The following DUSP19 variants were observed in gnomAD, a reference collection of about 807,000 sequenced individuals.
DUSP19 encodes the protein dual specificity phosphatase 19, also known as dual specificity protein phosphatase 19.
Under a neutral mutation model 16.6 loss-of-function variants are expected in DUSP19, and 14 were observed. The ratio of observed to expected loss-of-function variants is 0.84; its 90% CI spans 0.56 to 1.32. The LOEUF (loss-of-function observed/expected upper bound fraction) is 1.32. Ranked by LOEUF, DUSP19 falls within the 40% of genes most tolerant of loss-of-function variation. The pLI, the probability that DUSP19 is intolerant of heterozygous loss-of-function variation, is 0.00. For missense variants in DUSP19, 258 were observed against 255.9 expected, an observed-to-expected ratio of 1.01 and a Z score of -0.06; for synonymous variants, 81 against 90.5, an observed-to-expected ratio of 0.90 and a Z score of 0.59.
chr2:183,085,854 T>TTTG, intron 2 of DUSP19, among the ~76,000 whole-genome samples: 1 of 51,770 alleles, frequency 1.9e-5, no homozygotes, highest in East Asian at 3.6e-4. Context: ...TAGGTTTTTT[T>TTTG]TTTTTTTTTT....
intron 1 of DUSP19, among the ~76,000 whole-genome samples, chr2:183,080,343 C>T (rs1401170362): frequency 6.6e-6 from 1 of 152,206 alleles, no homozygotes; most frequent in Non-Finnish European, 1.5e-5. Flanking sequence ...TTGCAGTGTA[C>T]ATATAAGTTA....
intron 1 of DUSP19, among the ~76,000 whole-genome samples, chr2:183,083,186 A>G (rs1183607530): frequency 6.6e-6 from 1 of 152,120 alleles, no homozygotes; most frequent in Admixed American, 6.5e-5. Flanking sequence ...ACCATTTTTT[A>G]TTTAATGCAA....
rs757629559 is a variant in DUSP19, at chr2:183,079,084, G to T, written c.151G>T (p.Gly51Trp). Residue 51 changes from glycine to tryptophan, a missense_variant, in exon 1 of 4, where the codon GGG becomes TGG. Coordinates refer to ENST00000354221, the MANE Select transcript of DUSP19 (RefSeq NM_080876.4). ...TGTGGAAGAAGTAGAGCCGAGCAGT[G>T]GGGGTGGTTGTGGTTATGTGCAGGA... ...HVVEEVEPSSGGGCGYVQDLS... is the reference protein window; with the variant it reads ...HVVEEVEPSSWGGCGYVQDLS... 1.2e-6 allele frequency: 2 copies of T among 1,614,114 alleles called. No homozygotes were observed. Among genetic ancestry groups the T allele is most frequent in the South Asian group, 2.2e-5 (2 of 91,082 alleles).
Position 183,097,993 on chromosome 2 carries a change from G to A in DUSP19, c.*2335G>A, listed in dbSNP as rs767864347. On this transcript the variant is annotated 3_prime_UTR_variant, in exon 4 of 4. Coordinates refer to ENST00000354221, the MANE Select transcript of DUSP19 (RefSeq NM_080876.4). ...TGCAACCTCTGCCTCCCAGCTTCAA[G>A]CGATTCTCCTGTATCAGCCTCCCAA... 10 of 152,358 alleles carry A rather than the reference G, an allele frequency of 6.6e-5. No individual in the cohort carries two copies. Among genetic ancestry groups the A allele is most frequent in the Non-Finnish European group, 1.3e-4 (9 of 68,080 alleles). 9.4% of individuals were successfully genotyped at this position (152,358 alleles called of 1,614,324 possible).
In DUSP19 at chr2:183,095,635, A is replaced by G; in HGVS notation, c.631A>G (p.Arg211Gly). The change falls in exon 4 of 4, where the codon AGA becomes GGA. Residue 211 changes from arginine (R) to glycine (G), a missense_variant. By Grantham distance (125) the Arg-to-Gly change is moderately radical (BLOSUM62 -2). Transcript: ENST00000354221. ...QEGKESNKCD[R>G]IQENSS ...GGGCAAAGAAAGCAATAAGTGTGAC[A>G]GAATACAGGAGAACAGTTCATGAGT... The G allele has an allele frequency of 5.0e-6, 8 of 1,613,828 alleles. No homozygotes were observed. The highest frequency in any genetic ancestry group is 1.7e-4 in the Middle Eastern group (1 of 6,060).
At chr2:183,086,695 C>T (rs372527140) in intron 2 of DUSP19, among the ~76,000 whole-genome samples, 35 of 149,780 alleles carry the variant, frequency 2.3e-4, no homozygotes, top group Non-Finnish European at 4.0e-4. Flanking sequence ...TGGTGGTACA[C>T]GCCTGTAGTC....
intron 1 of DUSP19, among the ~76,000 whole-genome samples, chr2:183,080,441 T>C (rs1699577725): frequency 6.6e-6 from 1 of 152,228 alleles, no homozygotes. Flanking sequence ...CGTGAAAAAC[T>C]GTACCATATT....
rs1032074011 is a variant in DUSP19 at position 183,099,691 on chromosome 2, C to T, written c.*4033C>T. 2 of 151,520 alleles carry T rather than the reference C, an allele frequency of 1.3e-5. No homozygotes were observed. The highest frequency in any genetic ancestry group is 4.9e-5 in the African/African-American group (2 of 40,900). The allele number at this position is 151,520 out of a possible 1,614,324, so 9.4% of individuals were successfully genotyped here. A position where few individuals can be genotyped will look rare whatever the true frequency, so the allele number is the denominator to read the frequency against. On this transcript the variant is annotated 3_prime_UTR_variant, in exon 4 of 4. Transcript: ENST00000354221. ...AAAAGATGTAACACTTATTTGCTGT[C>T]AAATTCTGAATTAAAAAATCTGTTG...
Position 183,095,429 on chromosome 2 carries a change from A to G in DUSP19, c.427-2A>G. On this transcript the variant is annotated splice_acceptor_variant, in intron 3 of 3. Transcript: ENST00000354221. LOFTEE classifies it high-confidence loss of function. Reference sequence around the variant, plus strand: ...GATTTTTGTTTGTTTTTTTTTTTGTAGGATGGAGTGGTTCTTGTTCATTGT... The same window carrying G: ...GATTTTTGTTTGTTTTTTTTTTTGTGGGATGGAGTGGTTCTTGTTCATTGT... 6.5e-7 allele frequency: 1 copy of G among 1,542,252 alleles called. No homozygotes were observed. The highest frequency in any genetic ancestry group is 8.7e-7 in the Non-Finnish European group (1 of 1,144,156).
At chr2:183,088,117 A>G (rs1305791301) in intron 3 of DUSP19, among the ~76,000 whole-genome samples, 2 of 152,222 alleles carry the variant, frequency 1.3e-5, no homozygotes, top group Non-Finnish European at 2.9e-5. Context: ...ATGTATTTTT[A>G]CCATACCTTT....
chr2:183,084,900 A>T (rs909313624), intron 2 of DUSP19, among the ~76,000 whole-genome samples: 2 of 152,144 alleles, frequency 1.3e-5, no homozygotes, highest in South Asian at 4.1e-4. Context: ...GAATTCTTAA[A>T]ATTTGATTAC....
Position 183,099,310 on chromosome 2 carries a change from AC to A in DUSP19, c.*3653del, listed in dbSNP as rs1699844078. 6.6e-6 allele frequency: 1 copy of A among 152,194 alleles called. No homozygotes were observed. The highest frequency in any genetic ancestry group is 2.4e-5 in the African/African-American group (1 of 41,462). The allele number at this position is 152,194 out of a possible 1,614,324, so 9.4% of individuals were successfully genotyped here. On this transcript the variant is annotated 3_prime_UTR_variant, in exon 4 of 4. Transcript: ENST00000354221. Reference sequence around the variant, plus strand: ...AAAACAACAGAAATGTGGCATGATTACTTATTTATTTGTTCCAGGTGACTCT... The same window carrying A: ...AAAACAACAGAAATGTGGCATGATTATTATTTATTTGTTCCAGGTGACTCT...
chr2:183,094,673 T>C (rs1699775350), intron 3 of DUSP19, among the ~76,000 whole-genome samples: 2 of 152,220 alleles, frequency 1.3e-5, no homozygotes, highest in Non-Finnish European at 2.9e-5. Flanking sequence ...CATGCTGGTA[T>C]GTGATTACCT....
intron 1 of DUSP19, among the ~76,000 whole-genome samples, 156 bp downstream of exon 1, chr2:183,079,315 A>G (rs1043457578): frequency 6.6e-6 from 1 of 152,202 alleles, no homozygotes; most frequent in Admixed American, 6.5e-5. Context: ...TTAGCCAGCT[A>G]GAGCCGTTTC....
chr2:183,079,986 C>T (rs1699572681), intron 1 of DUSP19, among the ~76,000 whole-genome samples: 1 of 152,176 alleles, frequency 6.6e-6, no homozygotes, highest in African/African-American at 2.4e-5. Flanking sequence ...GTGTCTTACT[C>T]CTTTGAGGAA....
At position 183,087,123 on chromosome 2, in the gene DUSP19, T is replaced by A. The variant is rs752796838; in HGVS notation, c.357T>A (p.Asp119Glu). 1.2e-6 allele frequency: 2 copies of A among 1,613,390 alleles called. No homozygotes were observed. Among genetic ancestry groups the A allele is most frequent in the Non-Finnish European group, 1.7e-6 (2 of 1,179,894 alleles). ...DFTYKSISIL[D>E]LPETNILSYF... Reference sequence around the variant, plus strand: ...CATATAAGAGCATTTCTATATTGGATCTGCCTGAAACCAACATCCTGTCTT... The same window carrying A: ...CATATAAGAGCATTTCTATATTGGAACTGCCTGAAACCAACATCCTGTCTT... Residue 119 changes from aspartate to glutamate, a missense_variant, in exon 3 of 4, where the codon GAT becomes GAA. Coordinates refer to ENST00000354221, the MANE Select transcript of DUSP19 (RefSeq NM_080876.4).
intron 2 of DUSP19, among the ~76,000 whole-genome samples, chr2:183,085,847 GTTTTTTTTTTTTTTTTTTT>G (rs71008261): frequency 7.9e-4 from 40 of 50,922 alleles, no homozygotes; most frequent in South Asian, 2.7e-3. Flanking sequence ...AGGTTGTTAG[GTTTTTTTTTTTTTTTTTTT>G]TTTTTTTTTT....
intron 1 of DUSP19, among the ~76,000 whole-genome samples, chr2:183,082,871 C>CTCTTG (rs1184243325): frequency 8.2e-5 from 9 of 109,278 alleles, no homozygotes; most frequent in Admixed American, 2.4e-4. Flanking sequence ...CCTCTCTCTT[C>CTCTTG]TCTTGTCTTG....
intron 3 of DUSP19, among the ~76,000 whole-genome samples, chr2:183,092,902 C>T (rs746019779): frequency 2.6e-5 from 4 of 151,912 alleles, no homozygotes; most frequent in Non-Finnish European, 5.9e-5. Context: ...TGGGGTTTCA[C>T]CATGTTGGCC....
Sources: gnomAD v4.1 joint callset for allele counts (sites outside exome capture counted in the v4.1 genomes callset) on GRCh38, gnomAD v4.1.1 for gene constraint, MANE v1.5 for transcripts, NCBI Gene and HGNC (gene_info 2026-07-23, HGNC 2026-07-21) for gene names.